Variants in HS6ST3 observed in about 807,000 individuals in gnomAD.
HS6ST3 encodes the protein heparan sulfate 6-O-sulfotransferase 3.
A neutral mutation model predicts 36.7 loss-of-function variants in HS6ST3; 12 were observed. The ratio of observed to expected loss-of-function variants is 0.33; its 90% confidence interval spans 0.21 to 0.53. HS6ST3 has a LOEUF of 0.53. Ranked by LOEUF, HS6ST3 falls within the 20% of genes least tolerant of loss-of-function variation. The pLI, the probability that HS6ST3 is intolerant of heterozygous loss-of-function variation, is 0.95. For synonymous variants in HS6ST3, 240 were observed against 257.5 expected (o/e 0.93, Z 0.65); for missense variants, 584 against 640.9 (o/e 0.91, Z 0.96).
At chr13:96,397,710 C>T (rs1439495977) in intron 1 of HS6ST3, among the ~76,000 whole-genome samples, 1 of 152,222 alleles carries the variant, frequency 6.6e-6, no homozygotes, top group African/African-American at 2.4e-5. Flanking sequence ...ATTAAGTTCA[C>T]TGCCCTTCCT....
At chr13:96,146,577 C>A (rs1353746799) in intron 1 of HS6ST3, among the ~76,000 whole-genome samples, 2 of 152,236 alleles carry the variant, frequency 1.3e-5, no homozygotes, top group African/African-American at 4.8e-5. Context: ...CTGATAGATG[C>A]CTCCTAATAT....
intron 1 of HS6ST3, among the ~76,000 whole-genome samples, chr13:96,826,545 T>C (rs940885570): frequency 2.6e-5 from 4 of 152,100 alleles, no homozygotes; most frequent in African/African-American, 9.7e-5. Context: ...GACTGTTACA[T>C]TTAAGTTAAA....
intron 1 of HS6ST3, among the ~76,000 whole-genome samples, chr13:96,212,555 G>T (rs1321456560): frequency 6.6e-6 from 1 of 152,182 alleles, no homozygotes; most frequent in Non-Finnish European, 1.5e-5. Flanking sequence ...TTGAAAGTTG[G>T]AAGTCCAGGC....
intron 1 of HS6ST3, among the ~76,000 whole-genome samples, chr13:96,111,058 T>C (rs1226108054): frequency 6.6e-6 from 1 of 152,170 alleles, no homozygotes; most frequent in Non-Finnish European, 1.5e-5. Flanking sequence ...AGAAGTACCA[T>C]GGTTTATGAA....
intron 1 of HS6ST3, among the ~76,000 whole-genome samples, chr13:96,149,354 C>T (rs2054073412): frequency 6.6e-6 from 1 of 152,124 alleles, no homozygotes; most frequent in South Asian, 2.1e-4. Flanking sequence ...AGCTCATGAT[C>T]ATTTTTGTAA....
In HS6ST3 at chr13:96,493,244, G is replaced by A. The variant is rs1178423217; in HGVS notation, c.708-339246G>A. ...CATTTCCCAGACAATTCATCATTTG[G>A]AGGGAGGTTACCTTAATGATTCCAG... On this transcript the variant is annotated intron_variant, in intron 1 of 1. Transcript: ENST00000376705. Among the ~76,000 whole-genome samples, 4 of 152,088 alleles carry A rather than the reference G, an allele frequency of 2.6e-5. No homozygotes were observed. The East Asian group carries it at 7.7e-4, about 29-fold the overall frequency.
At chr13:96,755,152 T>C (rs7319629) in intron 1 of HS6ST3, among the ~76,000 whole-genome samples, 12,992 of 152,134 alleles carry the variant, frequency 0.085, 1,043 homozygotes, top group African/African-American at 0.2. Context: ...TTTGTACTCA[T>C]TTCTGGTCAA....
chr13:96,744,679 A>G (rs879592698), intron 1 of HS6ST3, among the ~76,000 whole-genome samples: 5 of 152,032 alleles, frequency 3.3e-5, no homozygotes, highest in Non-Finnish European at 7.4e-5. Context: ...CAGATTTTTA[A>G]TACCAACTTT....
chr13:96,403,629 G>T (rs1156641596), intron 1 of HS6ST3, among the ~76,000 whole-genome samples: 1 of 152,136 alleles, frequency 6.6e-6, no homozygotes, highest in East Asian at 1.9e-4. Context: ...TAGCTTTTAT[G>T]AATTGGTTAT....
intron 1 of HS6ST3, among the ~76,000 whole-genome samples, chr13:96,410,170 T>C (rs4771946): frequency 0.52 from 79,403 of 151,900 alleles, 21,217 homozygotes; most frequent in Middle Eastern, 0.6. Context: ...AGAATCAAGA[T>C]GCTACGCACA....
rs80092572 is a variant in HS6ST3 at position 96,415,309 on chromosome 13, G to A, written c.707+323740G>A. ...TTACTCCGTTGCCGGTGAAATCACA[G>A]GAATCCATGAGAAGCCCCAAGTCGT... On this transcript the variant is annotated intron_variant, in intron 1 of 1. Transcript: ENST00000376705. Among the ~76,000 whole-genome samples the A allele has an allele frequency of 1.6e-4, 24 of 152,266 alleles. 1 individual carries two copies. The East Asian group carries it at 4.6e-3, about 29-fold the overall frequency.
rs2053764405 is a variant in HS6ST3, at chr13:96,091,529, A to G, written c.667A>G (p.Met223Val). The G allele has an allele frequency of 1.4e-5, 22 of 1,591,162 alleles. No individual in the cohort carries two copies. The highest frequency in any genetic ancestry group is 1.9e-5 in the Non-Finnish European group (22 of 1,172,830). Residue 223 changes from methionine to valine, a missense_variant, in exon 1 of 2, where the codon ATG becomes GTG. This residue lies in a region of HS6ST3 where 360 missense variants were observed against 411.3 expected (regional missense o/e 0.88). Transcript: ENST00000376705. ...TELTNCVPAI[M>V]EKKDCPRNHS... The stretch of plus-strand genomic sequence containing the variant: ...GCTCACCAACTGCGTGCCGGCCATC[A>G]TGGAGAAGAAGGACTGTCCCCGCAA...
At chr13:96,505,489 A>G (rs2056022619) in intron 1 of HS6ST3, among the ~76,000 whole-genome samples, 1 of 152,150 alleles carries the variant, frequency 6.6e-6, no homozygotes, top group Non-Finnish European at 1.5e-5. Flanking sequence ...CAACTTACAC[A>G]TGACTTTTAA....
chr13:96,317,420 CA>C (rs1467495426), intron 1 of HS6ST3, among the ~76,000 whole-genome samples: 2 of 127,116 alleles, frequency 1.6e-5, no homozygotes, highest in African/African-American at 6.0e-5. Context: ...ATATATATAT[CA>C]TGGAATACAT....
rs1055777329 is a variant in HS6ST3 at position 96,758,304 on chromosome 13, C to G, written c.708-74186C>G. Reference sequence around the variant, plus strand: ...CTATCATTTATAATTTGTGCTTTCTCTCTTTTTCCATGATTGATGCTGCTA... The same window carrying G: ...CTATCATTTATAATTTGTGCTTTCTGTCTTTTTCCATGATTGATGCTGCTA... On this transcript the variant is annotated intron_variant, in intron 1 of 1. Transcript: ENST00000376705. Among the ~76,000 whole-genome samples the G allele has an allele frequency of 2.6e-5, 4 of 151,984 alleles. No individual in the cohort carries two copies. In the South Asian group the frequency reaches 8.3e-4, roughly 32 times the overall value.
chr13:96,219,340 C>T (rs775397867), intron 1 of HS6ST3, among the ~76,000 whole-genome samples: 4 of 152,176 alleles, frequency 2.6e-5, no homozygotes, highest in South Asian at 4.1e-4. Flanking sequence ...GAATACTTAA[C>T]ATCCACTCTC....
rs71213623 is a variant in HS6ST3 at position 96,658,268 on chromosome 13, C to CTTTTTTTTTTTTTTT, written c.708-174206_708-174192dup. ...TTCTTCTTCTTCTTCTCTTCTTCTTCTTTTTTTTTTTTTTTTTTTTTTTTT... is the reference window on the plus strand; with the variant it reads ...TTCTTCTTCTTCTTCTCTTCTTCTTCTTTTTTTTTTTTTTTTTTTTTTTTTTTTTTTTTTTTTTTT... On this transcript the variant is annotated intron_variant, in intron 1 of 1. Transcript: ENST00000376705. Among the ~76,000 whole-genome samples the CTTTTTTTTTTTTTTT allele has an allele frequency of 1.4e-3, 103 of 76,146 alleles. 10 individuals carry two copies. The highest frequency in any genetic ancestry group is 4.1e-3 in the East Asian group (8 of 1,942). The allele number at this position is 76,146 out of a possible 152,430, so 50.0% of individuals were successfully genotyped here. A position where few individuals can be genotyped will look rare whatever the true frequency, so the allele number is the denominator to read the frequency against.
At chr13:96,282,232 C>G (rs1299035234) in intron 1 of HS6ST3, among the ~76,000 whole-genome samples, 1 of 152,144 alleles carries the variant, frequency 6.6e-6, no homozygotes, top group Non-Finnish European at 1.5e-5. Context: ...GGGGGTGACT[C>G]TTCTGGAGTC....
chr13:96,302,192 C>T (rs2054886885), intron 1 of HS6ST3, among the ~76,000 whole-genome samples: 1 of 151,946 alleles, frequency 6.6e-6, no homozygotes, highest in Non-Finnish European at 1.5e-5. Flanking sequence ...TTCTAAAACT[C>T]TATTTGACTA....
Sources: gnomAD v4.1 joint callset for allele counts (sites outside exome capture counted in the v4.1 genomes callset) on GRCh38, gnomAD v4.1.1 for gene constraint, gnomAD v4.1.1 regional missense constraint, MANE v1.5 for transcripts, NCBI Gene and HGNC (gene_info 2026-07-23, HGNC 2026-07-21) for gene names.